Variants in ANO1 observed in about 807,000 individuals in gnomAD.
ANO1 encodes the protein anoctamin 1, also known as anoctamin-1.
ANO1 carries 59 observed loss-of-function variants against 124.0 expected under a neutral mutation model. The observed-to-expected ratio is 0.48, with a 90% CI of 0.39 to 0.59. ANO1 has a LOEUF of 0.59. Among genes scored for constraint, ANO1 ranks in the 20% least tolerant of loss-of-function variants. ANO1 has a pLI of 0.00. For missense variants in ANO1, 1,059 were observed against 1,328.0 expected, an observed-to-expected ratio of 0.80 and a Z score of 3.15; for synonymous variants, 529 against 532.0, an observed-to-expected ratio of 0.99 and a Z score of 0.08.
At chr11:69,981,454 TAAATA>T (rs2120254183), upstream of ANO1, among the ~76,000 whole-genome samples, 1 of 152,366 alleles carries the variant, frequency 6.6e-6, no homozygotes, top group Admixed American at 6.5e-5. Flanking sequence ...AAGTGTTTGT[TAAATA>T]AACAGACTTG....
At chr11:70,015,381 G>A (rs1383981582) in intron 1 of ANO1, among the ~76,000 whole-genome samples, 1 of 152,116 alleles carries the variant, frequency 6.6e-6, no homozygotes, top group African/African-American at 2.4e-5. Flanking sequence ...CTGCCCTCAG[G>A]GGGATATGAT....
the ANO1 span, among the ~76,000 whole-genome samples, chr11:69,973,870 TA>T: frequency 2.6e-3 from 369 of 139,344 alleles, no homozygotes; most frequent in African/African-American, 4.6e-3. Flanking sequence ...AGACTCCGTC[TA>T]AAAAAAAAAA....
intron 1 of ANO1, chr11:70,065,300 C>T (rs1857689360): frequency 6.6e-6 from 1 of 152,288 alleles, no homozygotes; most frequent in African/African-American, 2.4e-5. Context: ...TTGGGGTCTC[C>T]TGGATTCAAC....
Position 70,165,568 on chromosome 11 carries a change from C to A in ANO1, c.2049C>A (p.Ile683=), listed in dbSNP as rs2048224139. The change falls in exon 20 of 26, where the codon ATC becomes ATA. Residue 683 remains isoleucine (I), a splice_region_variant and synonymous_variant. Coordinates refer to ENST00000355303, the MANE Select transcript of ANO1 (RefSeq NM_018043.7). Reference sequence around the variant, plus strand: ...AGAACAACCTGTTCGAGATCGGCATCCCGTGAGTGTGCTGCAGCGGGTTAG... The same window carrying A: ...AGAACAACCTGTTCGAGATCGGCATACCGTGAGTGTGCTGCAGCGGGTTAG... The part of the protein sequence containing the change: ...LIQNNLFEIG[I]PKMKKLIRYL... The A allele has an allele frequency of 6.2e-7, 1 of 1,609,732 alleles. No homozygotes were observed. Among genetic ancestry groups the A allele is most frequent in the African/African-American group, 1.3e-5 (1 of 74,840 alleles).
At chr11:70,066,808 A>G (rs1454378575) in intron 1 of ANO1, among the ~76,000 whole-genome samples, 1 of 152,138 alleles carries the variant, frequency 6.6e-6, no homozygotes, top group Non-Finnish European at 1.5e-5. Flanking sequence ...ACCTGACCAC[A>G]GTCATAGACC....
chr11:70,139,386 C>T (rs1205205426), intron 11 of ANO1, among the ~76,000 whole-genome samples: 1 of 151,922 alleles, frequency 6.6e-6, no homozygotes, highest in Non-Finnish European at 1.5e-5. Context: ...TGCAGTGGCG[C>T]GATCTCAGCT....
chr11:70,124,212 C>T (rs1197174284), intron 8 of ANO1, 138 bp from the exon 9 acceptor site: 1 of 734,658 alleles, frequency 1.4e-6, no homozygotes, highest in African/African-American at 1.8e-5. Context: ...CGTTCACAGC[C>T]CACACAGCCC....
the ANO1 span, among the ~76,000 whole-genome samples, chr11:69,966,610 C>A: frequency 0.17 from 26,540 of 151,832 alleles, 2,684 homozygotes; most frequent in African/African-American, 0.27. Flanking sequence ...GAAGAGCTGG[C>A]GATGGAGGAG....
chr11:70,078,998 G>T (rs139078449), intron 1 of ANO1, among the ~76,000 whole-genome samples: 2 of 152,078 alleles, frequency 1.3e-5, no homozygotes, highest in African/African-American at 4.8e-5. Flanking sequence ...GAGCTCTGCG[G>T]CCCCGAAGCC....
intron 22 of ANO1, among the ~76,000 whole-genome samples, chr11:70,178,028 C>G (rs897736003): frequency 6.6e-6 from 1 of 152,262 alleles, no homozygotes; most frequent in Non-Finnish European, 1.5e-5. Flanking sequence ...GCCTCTGCTC[C>G]GGCACCAGAA....
intron 1 of ANO1, among the ~76,000 whole-genome samples, chr11:70,066,714 C>T (rs12418934): frequency 0.14 from 21,146 of 152,082 alleles, 1,726 homozygotes; most frequent in Admixed American, 0.2. Context: ...GGAGATTAGA[C>T]CCCCTTCAGC....
intron 8 of ANO1, among the ~76,000 whole-genome samples, chr11:70,123,700 G>A (rs551331931): frequency 2.6e-5 from 4 of 152,314 alleles, no homozygotes; most frequent in African/African-American, 4.8e-5. Context: ...AGCCCTGGGC[G>A]GGCATGATGT....
chr11:70,122,256 A>G (rs111219058), intron 8 of ANO1, among the ~76,000 whole-genome samples: 2 of 27,580 alleles, frequency 7.3e-5, no homozygotes, highest in African/African-American at 1.3e-4. Context: ...GTCTGTCTCT[A>G]TCTCTGTCTC....
chr11:70,173,185 C>T (rs2048540540), intron 22 of ANO1, among the ~76,000 whole-genome samples: 1 of 152,158 alleles, frequency 6.6e-6, no homozygotes, highest in African/African-American at 2.4e-5. Flanking sequence ...AGGTCAAAGA[C>T]CATCAGATAG....
chr11:70,041,478 C>T (rs554957840), intron 1 of ANO1, among the ~76,000 whole-genome samples: 6 of 152,218 alleles, frequency 3.9e-5, no homozygotes, highest in Non-Finnish European at 1.5e-5. Flanking sequence ...CCTCTAGACT[C>T]ACACACACAT....
At chr11:70,034,632 G>A (rs1431238870) in intron 1 of ANO1, among the ~76,000 whole-genome samples, 3 of 152,218 alleles carry the variant, frequency 2.0e-5, no homozygotes, top group Non-Finnish European at 4.4e-5. Context: ...TACTGCAGGA[G>A]AGGGGCTGGC....
At chr11:70,126,223 C>A in intron 10 of ANO1, 28 bp downstream of exon 10, 1 of 1,604,412 alleles carries the variant, frequency 6.2e-7, no homozygotes, top group Non-Finnish European at 8.5e-7. Flanking sequence ...CCCACCACCC[C>A]GCAGTACACA....
In ANO1 at chr11:70,161,155, CT is replaced by C. The variant is rs1333157126; in HGVS notation, c.1579-5del. ...CCAACCAAGAGTGCCCCTTTCCCCC[CT>C]GCAGATTGCAGTGACGTTTGCCATC... On this transcript the variant is annotated splice_polypyrimidine_tract_variant and splice_region_variant and intron_variant, in intron 16 of 25. Coordinates refer to ENST00000355303, the MANE Select transcript of ANO1 (RefSeq NM_018043.7). The C allele has an allele frequency of 1.2e-5, 20 of 1,612,750 alleles. No homozygotes were observed. Among genetic ancestry groups the C allele is most frequent in the Non-Finnish European group, 1.4e-5 (17 of 1,179,556 alleles).
At chr11:70,007,466 C>T (rs1218608973) in intron 1 of ANO1, among the ~76,000 whole-genome samples, 17 of 151,984 alleles carry the variant, frequency 1.1e-4, no homozygotes, top group Admixed American at 5.9e-4. Context: ...TTATTAGAGA[C>T]GGGGTTTCAC....
Sources: gnomAD v4.1 joint callset for allele counts (sites outside exome capture counted in the v4.1 genomes callset) on GRCh38, gnomAD v4.1.1 for gene constraint, MANE v1.5 for transcripts, NCBI Gene and HGNC (gene_info 2026-07-23, HGNC 2026-07-21) for gene names.